Variants in VIPR1 observed in about 807,000 individuals in gnomAD.
VIPR1 encodes the protein vasoactive intestinal polypeptide receptor 1.
Under a neutral mutation model 58.8 loss-of-function variants are expected in VIPR1, and 59 were observed. The ratio of observed to expected loss-of-function variants is 1.00; its 90% CI spans 0.81 to 1.25. The LOEUF (loss-of-function observed/expected upper bound fraction) is 1.25. VIPR1 is among the 50% of genes most tolerant of loss of function. The probability of loss-of-function intolerance (pLI) is 0.00; values close to 1 mark genes in which losing one functional copy is unlikely to be tolerated. For missense variants in VIPR1, 626 were observed against 602.7 expected, an observed-to-expected ratio of 1.04 and a Z score of -0.40; for synonymous variants, 251 against 242.1, an observed-to-expected ratio of 1.04 and a Z score of -0.34.
At chr3:42,528,192 T>C in intron 6 of VIPR1, 69 bp downstream of exon 6, 1 of 1,553,364 alleles carries the variant, frequency 6.4e-7, no homozygotes, top group African/African-American at 1.4e-5. Flanking sequence ...AATCTCCTCT[T>C]CTCCCCCTGC....
intron 1 of VIPR1, among the ~76,000 whole-genome samples, chr3:42,505,027 C>T (rs1156729344): frequency 6.6e-6 from 1 of 152,040 alleles, no homozygotes; most frequent in Non-Finnish European, 1.5e-5. Context: ...CACAGGGACT[C>T]CTCATCCAGA....
chr3:42,503,024 C>A (rs1016368448), intron 1 of VIPR1, among the ~76,000 whole-genome samples: 11 of 152,216 alleles, frequency 7.2e-5, no homozygotes, highest in African/African-American at 2.7e-4. Flanking sequence ...TCCCTCCCAG[C>A]GCAGCCCGGA....
In VIPR1 at chr3:42,535,061, C is replaced by T. The variant is rs752383201; in HGVS notation, c.1097C>T (p.Pro366Leu). Residue 366 changes from proline (P) to leucine (L), a missense_variant, in exon 11 of 13, where the codon CCT (proline) becomes CTT (leucine). Pro to Leu is a moderately conservative substitution (Grantham distance 98, BLOSUM62 -3). Coordinates refer to ENST00000325123, the MANE Select transcript of VIPR1 (RefSeq NM_004624.4). ...MFAFFPDNFK[P>L]EVKMVFELVV... ...GCCTTCTTTCCGGACAATTTTAAGC[C>T]TGAAGTGAAGATGGTCTTTGAGCTC... is the stretch of plus-strand genomic sequence containing the variant. The T allele has an allele frequency of 4.1e-5, 66 of 1,614,108 alleles. No homozygotes were observed. The highest frequency in any genetic ancestry group is 5.3e-5 in the Non-Finnish European group (63 of 1,180,048).
intron 10 of VIPR1, 98 bp from the exon 11 acceptor site, chr3:42,534,877 C>T (rs1473134361): frequency 1.4e-6 from 2 of 1,480,056 alleles, no homozygotes; most frequent in Non-Finnish European, 1.8e-6. Flanking sequence ...TGGTCATTGT[C>T]CCCATCTTCT....
intron 1 of VIPR1, among the ~76,000 whole-genome samples, chr3:42,496,899 A>G (rs1474343882): frequency 1.3e-5 from 2 of 152,140 alleles, no homozygotes; most frequent in Admixed American, 6.5e-5. Flanking sequence ...TATTGGATAC[A>G]TGGAGTTTTC....
chr3:42,527,384 C>T lies in VIPR1; in HGVS notation c.400-9C>T, dbSNP rs200016786. ...ACCACCCAAGAGCCTCTCCCTGTCC[C>T]TCCAACAGCAGCAGACCATGTTCTA... On this transcript the variant is annotated splice_polypyrimidine_tract_variant and intron_variant, in intron 4 of 12. Coordinates refer to ENST00000325123, the MANE Select transcript of VIPR1 (RefSeq NM_004624.4). 4.1e-4 allele frequency: 665 copies of T among 1,613,438 alleles called. 4 individuals are homozygous for T. The highest frequency in any genetic ancestry group is 2.3e-3 in the Middle Eastern group (14 of 6,056).
At chr3:42,534,364 T>TTCTCTCATGG (rs1267832671) in intron 10 of VIPR1, 1 of 152,292 alleles carries the variant, frequency 6.6e-6, no homozygotes, top group African/African-American at 2.4e-5. Flanking sequence ...CTAGTACGTC[T>TTCTCTCATGG]TCTCTCATGG....
At chr3:42,513,960 G>C (rs1440890927) in intron 2 of VIPR1, 106 bp downstream of exon 2, 2 of 1,272,968 alleles carry the variant, frequency 1.6e-6, no homozygotes, top group Admixed American at 4.4e-5. Flanking sequence ...TTTATTGGAT[G>C]ATGGTGAGGA....
intron 10 of VIPR1, 138 bp from the exon 11 acceptor site, chr3:42,534,837 G>A (rs1308732765): frequency 8.7e-7 from 1 of 1,151,304 alleles, no homozygotes; most frequent in Non-Finnish European, 1.2e-6. Context: ...ATAATATTCA[G>A]AGGAACCTAC....
chr3:42,492,771 C>A (rs1192147027), intron 1 of VIPR1, among the ~76,000 whole-genome samples: 6 of 152,218 alleles, frequency 3.9e-5, no homozygotes, highest in African/African-American at 1.4e-4. Context: ...CTCCCTTGAG[C>A]AGCACTAGAC....
Position 42,531,546 on chromosome 3 carries a change from C to G in VIPR1, c.851+15C>G. Reference sequence around the variant, plus strand: ...GAGGATTATGGGTGAGCTGCTGCCCCACACACTCCCCCGGCCGCCATCACT... The same window carrying G: ...GAGGATTATGGGTGAGCTGCTGCCCGACACACTCCCCCGGCCGCCATCACT... On this transcript the variant is annotated intron_variant, in intron 8 of 12. Coordinates refer to ENST00000325123, the MANE Select transcript of VIPR1 (RefSeq NM_004624.4). 6.3e-7 allele frequency: 1 copy of G among 1,592,584 alleles called. No homozygotes were observed. The highest frequency in any genetic ancestry group is 8.6e-7 in the Non-Finnish European group (1 of 1,168,878).
In VIPR1 at chr3:42,515,369, G is replaced by A. The variant is rs373061; in HGVS notation, c.184+1515G>A. 6.6e-3 allele frequency among the ~76,000 whole-genome samples: 1,011 copies of A among 152,292 alleles called. 17 individuals carry two copies. Among genetic ancestry groups the A allele is most frequent in the African/African-American group, 0.023 (967 of 41,548 alleles). On this transcript the variant is annotated intron_variant, in intron 2 of 12. Transcript: ENST00000325123. ...AGACTGAGGCATGGGTCACGGGGTG[G>A]CTGGGCCTGCCCACTACCTACAGGC...
At position 42,536,370 on chromosome 3, in the gene VIPR1, C is replaced by T; in HGVS notation, c.*89C>T. ...CCGGGGACAGAGGCCTGCCCGGGCG[C>T]GGCCAGCCCCGGCCCTGGGCTCGGA... On this transcript the variant is annotated 3_prime_UTR_variant, in exon 13 of 13. Transcript: ENST00000325123. 8.1e-6 allele frequency: 11 copies of T among 1,358,416 alleles called. No individual in the cohort carries two copies. Among genetic ancestry groups the T allele is most frequent in the Non-Finnish European group, 9.6e-6 (10 of 1,037,720 alleles). The allele number at this position is 1,358,416 out of a possible 1,614,324, so 84.1% of individuals were successfully genotyped here.
chr3:42,511,027 C>T (rs1296756492), intron 1 of VIPR1, among the ~76,000 whole-genome samples: 1 of 152,172 alleles, frequency 6.6e-6, no homozygotes, highest in Non-Finnish European at 1.5e-5. Context: ...ATTATCTTGT[C>T]CTCAGAGGGC....
intron 2 of VIPR1, among the ~76,000 whole-genome samples, chr3:42,515,862 C>T (rs1217917120): frequency 6.6e-6 from 1 of 152,138 alleles, no homozygotes; most frequent in East Asian, 1.9e-4. Context: ...GCCCAGTGTG[C>T]TGTGTCTCTG....
Position 42,530,781 on chromosome 3 carries a change from G to A in VIPR1, c.639G>A (p.Val213=). 1 of 1,613,900 alleles carries A rather than the reference G, an allele frequency of 6.2e-7. No individual in the cohort carries two copies. The highest frequency in any genetic ancestry group is 8.5e-7 in the Non-Finnish European group (1 of 1,179,806). ...CGTCTTTTCTCCTCCCCCTGCAGGT[G>A]GGCTGTAAGGCAGCCATGGTCTTTT... The part of the protein sequence containing the change: ...GESDQCSEGS[V]GCKAAMVFFQ... The change falls in exon 7 of 13, where the codon GTG becomes GTA. Residue 213 remains valine (V), a splice_region_variant and synonymous_variant. Transcript: ENST00000325123.
Position 42,514,217 on chromosome 3 carries a change from A to C in VIPR1, c.184+363A>C, listed in dbSNP as rs1700508621. ...GCTATGTGGTGGGGGATCTGTGACC[A>C]ATGAGGGCAGGCAGGTTCCAGGACC... On this transcript the variant is annotated intron_variant, in intron 2 of 12. Coordinates refer to ENST00000325123, the MANE Select transcript of VIPR1 (RefSeq NM_004624.4). Among the ~76,000 whole-genome samples the C allele has an allele frequency of 3.9e-5, 6 of 152,026 alleles. No homozygotes were observed. In the South Asian group the frequency reaches 1.0e-3, roughly 26 times the overall value.
intron 3 of VIPR1, chr3:42,521,431 C>CA (rs1472695257): frequency 6.6e-6 from 1 of 152,134 alleles, no homozygotes; most frequent in Non-Finnish European, 1.5e-5. Flanking sequence ...AGAAAAAAGA[C>CA]AGTGTTCTCC....
intron 2 of VIPR1, among the ~76,000 whole-genome samples, chr3:42,517,930 C>T (rs1022817785): frequency 3.3e-5 from 5 of 152,072 alleles, no homozygotes; most frequent in African/African-American, 1.2e-4. Flanking sequence ...GAGCCGAGAT[C>T]ATGCCATTGT....
Sources: allele counts gnomAD v4.1 joint callset (sites outside exome capture counted in the v4.1 genomes callset), GRCh38; gene constraint gnomAD v4.1.1; transcripts MANE v1.5; gene names NCBI Gene and HGNC (gene_info 2026-07-23, HGNC 2026-07-21).